The following RAPGEF5 variants were observed in gnomAD, a reference collection of about 807,000 sequenced individuals.
RAPGEF5 encodes M-Ras-regulated GEF.
RAPGEF5 carries 65 observed loss-of-function variants against 125.2 expected under a neutral mutation model. The ratio of observed to expected loss-of-function variants is 0.52; its 90% CI spans 0.43 to 0.64. The LOEUF (loss-of-function observed/expected upper bound fraction) is 0.64. RAPGEF5 is among the 30% of genes least tolerant of loss of function. The pLI is 0.00. For synonymous variants in RAPGEF5, 391 were observed against 385.9 expected, an observed-to-expected ratio of 1.01 and a Z score of -0.16; for missense variants, 958 against 1,048.1, an observed-to-expected ratio of 0.91 and a Z score of 1.19.
At chr7:22,350,510 T>C (rs1261077666) in intron 1 of RAPGEF5, among the ~76,000 whole-genome samples, 3 of 152,184 alleles carry the variant, frequency 2.0e-5, no homozygotes, top group Non-Finnish European at 4.4e-5. Flanking sequence ...TTATATTCTA[T>C]TCATGGAAAA....
chr7:22,172,645 T>G (rs553055086), intron 11 of RAPGEF5, among the ~76,000 whole-genome samples: 10 of 152,334 alleles, frequency 6.6e-5, no homozygotes, highest in African/African-American at 2.4e-4. Context: ...ACAGACCATT[T>G]TCATGGAGTT....
At chr7:22,167,505 G>A (rs1784208773) in intron 11 of RAPGEF5, among the ~76,000 whole-genome samples, 1 of 152,142 alleles carries the variant, frequency 6.6e-6, no homozygotes, top group African/African-American at 2.4e-5. Flanking sequence ...CAAGACTTCT[G>A]AGGTGTACAC....
intron 7 of RAPGEF5, among the ~76,000 whole-genome samples, chr7:22,262,662 A>C (rs1008414685): frequency 3.3e-5 from 5 of 152,248 alleles, no homozygotes; most frequent in Non-Finnish European, 4.4e-5. Flanking sequence ...AAAATAGCCA[A>C]AGAACTGGAA....
chr7:22,305,048 G>A (rs1783304048), intron 5 of RAPGEF5, among the ~76,000 whole-genome samples: 1 of 152,138 alleles, frequency 6.6e-6, no homozygotes, highest in Non-Finnish European at 1.5e-5. Flanking sequence ...CCCATAACTT[G>A]TGGGGAAGGA....
At chr7:22,312,682 G>A (rs1044122932) in intron 3 of RAPGEF5, among the ~76,000 whole-genome samples, 32 of 152,126 alleles carry the variant, frequency 2.1e-4, no homozygotes, top group African/African-American at 7.7e-4. Flanking sequence ...ACTGAGCCCC[G>A]CTCTCAGAGC....
intron 2 of RAPGEF5, among the ~76,000 whole-genome samples, chr7:22,316,721 C>T (rs1273532974): frequency 1.3e-5 from 2 of 151,000 alleles, no homozygotes; most frequent in Non-Finnish European, 1.5e-5. Context: ...TGGTCTTGAA[C>T]TCCTGGGCTC....
At chr7:22,211,399 C>T (rs527628486) in intron 9 of RAPGEF5, among the ~76,000 whole-genome samples, 4 of 152,342 alleles carry the variant, frequency 2.6e-5, no homozygotes, top group Non-Finnish European at 5.9e-5. Flanking sequence ...ACATTATATG[C>T]ATGCACAAAA....
At chr7:22,194,765 C>G (rs1362904479) in intron 9 of RAPGEF5, 1 of 985,344 alleles carries the variant, frequency 1.0e-6, no homozygotes, top group East Asian at 1.1e-4. Context: ...GCTGAACACA[C>G]AGATTCATTT....
chr7:22,125,499 G>T, intron 25 of RAPGEF5, 105 bp downstream of exon 25: 1 of 1,076,558 alleles, frequency 9.3e-7, no homozygotes, highest in Non-Finnish European at 1.4e-6. Flanking sequence ...ATATACATAT[G>T]ATACTTTTCA....
intron 7 of RAPGEF5, among the ~76,000 whole-genome samples, chr7:22,238,309 G>A (rs1447432176): frequency 1.3e-5 from 2 of 152,154 alleles, no homozygotes; most frequent in Non-Finnish European, 2.9e-5. Flanking sequence ...ATCTCAATTA[G>A]GAATTTTTCT....
chr7:22,144,686 C>T (rs923053019), intron 20 of RAPGEF5, among the ~76,000 whole-genome samples: 6 of 152,096 alleles, frequency 3.9e-5, no homozygotes, highest in Admixed American at 1.3e-4. Context: ...ATGCACCTGA[C>T]GTGTAATGAT....
intron 9 of RAPGEF5, among the ~76,000 whole-genome samples, chr7:22,211,839 C>T (rs1221883000): frequency 6.6e-6 from 1 of 152,138 alleles, no homozygotes; most frequent in South Asian, 2.1e-4. Flanking sequence ...CCAGCTCCTG[C>T]ACCTTCTTCA....
chr7:22,282,203 C>T (rs13234561), intron 6 of RAPGEF5, among the ~76,000 whole-genome samples: 12,869 of 152,114 alleles, frequency 0.085, 773 homozygotes, highest in East Asian at 0.32. Flanking sequence ...CACAGAGAAC[C>T]TTTACAGCTA....
At chr7:22,229,555 G>A (rs773866241) in intron 8 of RAPGEF5, among the ~76,000 whole-genome samples, 22 of 152,132 alleles carry the variant, frequency 1.4e-4, no homozygotes, top group African/African-American at 2.2e-4. Context: ...ACACACATAC[G>A]TACATACCAA....
At chr7:22,272,044 G>C (rs1441029392) in intron 6 of RAPGEF5, among the ~76,000 whole-genome samples, 1 of 152,028 alleles carries the variant, frequency 6.6e-6, no homozygotes, top group Non-Finnish European at 1.5e-5. Flanking sequence ...AGCTCAATTA[G>C]AAAGTCAAGG....
At chr7:22,122,641 A>G (rs1271181644) in intron 25 of RAPGEF5, 120 bp from the exon 26 acceptor site, 1 of 692,246 alleles carries the variant, frequency 1.4e-6, no homozygotes, top group African/African-American at 1.8e-5. Flanking sequence ...ATTAGTCAGA[A>G]TCCCATAAGA....
At chr7:22,145,999 T>TG (rs1783428745) in intron 19 of RAPGEF5, among the ~76,000 whole-genome samples, 2 of 151,444 alleles carry the variant, frequency 1.3e-5, no homozygotes, top group African/African-American at 4.9e-5. Flanking sequence ...TGTGTGTGTG[T>TG]TTTATAGAGG....
chr7:22,345,388 T>C (rs1474366676), intron 1 of RAPGEF5, among the ~76,000 whole-genome samples: 1 of 152,200 alleles, frequency 6.6e-6, no homozygotes, highest in Non-Finnish European at 1.5e-5. Context: ...CTGATGATGA[T>C]GACAGCAATG....
At chr7:22,179,367 A>G (rs1017724033) in intron 11 of RAPGEF5, among the ~76,000 whole-genome samples, 4 of 152,202 alleles carry the variant, frequency 2.6e-5, no homozygotes, top group African/African-American at 9.6e-5. Flanking sequence ...ATCAGACATA[A>G]GAAAAGTACT....
Sources: gnomAD v4.1 joint callset for allele counts (sites outside exome capture counted in the v4.1 genomes callset) on GRCh38, gnomAD v4.1.1 for gene constraint, MANE v1.5 for transcripts, NCBI Gene and HGNC (gene_info 2026-07-23, HGNC 2026-07-21) for gene names.